Variants in ESRRG observed in about 807,000 individuals in gnomAD.
ESRRG encodes the protein estrogen related receptor gamma.
A neutral mutation model predicts 44.0 loss-of-function variants in ESRRG; 13 were observed. The ratio of observed to expected loss-of-function variants is 0.30; its 90% CI spans 0.19 to 0.47. The LOEUF (loss-of-function observed/expected upper bound fraction) is 0.47, where lower values mean the gene tolerates loss of function less well. ESRRG is among the 20% of genes least tolerant of loss of function. The pLI, the probability that ESRRG is intolerant of heterozygous loss-of-function variation, is 1.00. For missense variants in ESRRG, 395 were observed against 580.6 expected, an observed-to-expected ratio of 0.68 and a Z score of 3.29; for synonymous variants, 215 against 214.6, an observed-to-expected ratio of 1.00 and a Z score of -0.02.
chr1:216,991,155 G>A (rs1044589403), intron 1 of ESRRG, among the ~76,000 whole-genome samples: 7 of 151,982 alleles, frequency 4.6e-5, no homozygotes, highest in African/African-American at 1.2e-4. Flanking sequence ...AGTAATGCCT[G>A]ATGATCTGAG....
chr1:216,834,704 A>G (rs1255721214), intron 2 of ESRRG, among the ~76,000 whole-genome samples: 1 of 152,238 alleles, frequency 6.6e-6, no homozygotes, highest in Non-Finnish European at 1.5e-5. Flanking sequence ...TATCGCATGC[A>G]TAGATATGAG....
intron 2 of ESRRG, among the ~76,000 whole-genome samples, chr1:216,921,847 A>C (rs1478711854): frequency 2.0e-5 from 3 of 152,208 alleles, no homozygotes; most frequent in African/African-American, 7.2e-5. Context: ...ACTTGGGATC[A>C]CTCAAGAAAT....
chr1:216,634,650 G>C (rs537833208), intron 3 of ESRRG, among the ~76,000 whole-genome samples: 209 of 152,254 alleles, frequency 1.4e-3, no homozygotes, highest in Non-Finnish European at 2.6e-3. Flanking sequence ...AGCTGGACAG[G>C]CAGTGCGTCC....
chr1:217,104,459 G>T (rs1049027836), intron 1 of ESRRG, among the ~76,000 whole-genome samples: 1 of 152,222 alleles, frequency 6.6e-6, no homozygotes, highest in East Asian at 1.9e-4. Flanking sequence ...CACCAGCCGA[G>T]TGGCCTTGGG....
chr1:216,939,365 A>AAAAAAAAAAAAAAAAAAAAC (rs1560189110), intron 2 of ESRRG, among the ~76,000 whole-genome samples: 1 of 139,698 alleles, frequency 7.2e-6, no homozygotes, highest in African/African-American at 3.0e-5. Context: ...AAAAAAAAAA[A>AAAAAAAAAAAAAAAAAAAAC]AAAAACACTT....
chr1:217,131,787 T>C (rs1199388502), intron 1 of ESRRG, among the ~76,000 whole-genome samples: 2 of 152,222 alleles, frequency 1.3e-5, no homozygotes, highest in Non-Finnish European at 2.9e-5. Flanking sequence ...TGAGACCTAA[T>C]AGAAAAGTAT....
chr1:216,967,045 C>T (rs1215716900), intron 1 of ESRRG, among the ~76,000 whole-genome samples: 1 of 152,070 alleles, frequency 6.6e-6, no homozygotes, highest in Non-Finnish European at 1.5e-5. Flanking sequence ...TTGGCCTTGT[C>T]TTCTACTCTT....
At chr1:216,600,540 G>C (rs2059063870) in intron 3 of ESRRG, among the ~76,000 whole-genome samples, 1 of 152,076 alleles carries the variant, frequency 6.6e-6, no homozygotes, top group East Asian at 1.9e-4. Flanking sequence ...TAACTTTTAA[G>C]TTCAGGGGTA....
intron 2 of ESRRG, among the ~76,000 whole-genome samples, chr1:216,821,003 T>A (rs2095274182): frequency 6.6e-6 from 1 of 152,216 alleles, no homozygotes; most frequent in Non-Finnish European, 1.5e-5. Context: ...AGAACAGGAA[T>A]AAACTACATT....
intron 1 of ESRRG, among the ~76,000 whole-genome samples, chr1:216,984,637 T>C (rs746488847): frequency 2.0e-5 from 3 of 152,220 alleles, no homozygotes; most frequent in Non-Finnish European, 2.9e-5. Context: ...CCAACATTGC[T>C]GAAATCTCTA....
chr1:216,903,621 A>G (rs1201006290), intron 2 of ESRRG, among the ~76,000 whole-genome samples: 1 of 151,988 alleles, frequency 6.6e-6, no homozygotes. Context: ...GCTGGCCTAT[A>G]TACTCAGGGG....
intron 2 of ESRRG, among the ~76,000 whole-genome samples, chr1:216,853,203 AT>A (rs1174677121): frequency 6.6e-6 from 1 of 152,172 alleles, no homozygotes; most frequent in East Asian, 1.9e-4. Context: ...AGAGCAGTGC[AT>A]ATAGGCCAAT....
At chr1:216,607,759 T>A (rs1021239977) in intron 3 of ESRRG, among the ~76,000 whole-genome samples, 2 of 152,206 alleles carry the variant, frequency 1.3e-5, no homozygotes, top group Non-Finnish European at 1.5e-5. Context: ...AACATGTGAC[T>A]ATGATGATCA....
upstream of ESRRG, among the ~76,000 whole-genome samples, chr1:217,092,132 A>G (rs1279320386): frequency 6.6e-6 from 1 of 152,162 alleles, no homozygotes; most frequent in Non-Finnish European, 1.5e-5. Flanking sequence ...GATCCTTTCT[A>G]AGCCTAGATT....
chr1:216,790,926 T>C (rs1008854061), intron 2 of ESRRG, among the ~76,000 whole-genome samples: 1 of 152,150 alleles, frequency 6.6e-6, no homozygotes, highest in Non-Finnish European at 1.5e-5. Context: ...AACCTCAACA[T>C]TGTGAAACAG....
chr1:216,544,502 G>C (rs1213136382), intron 5 of ESRRG, among the ~76,000 whole-genome samples: 2 of 151,952 alleles, frequency 1.3e-5, no homozygotes, highest in African/African-American at 4.8e-5. Context: ...ACATTACACA[G>C]CTTTCAGTGC....
chr1:216,548,302 T>C (rs962838793), intron 5 of ESRRG, among the ~76,000 whole-genome samples: 11 of 152,236 alleles, frequency 7.2e-5, no homozygotes, highest in African/African-American at 2.6e-4. Context: ...AAATTTGTCT[T>C]GACCTCTCTC....
intron 3 of ESRRG, among the ~76,000 whole-genome samples, chr1:216,568,913 G>T (rs186081500): frequency 1.6e-3 from 238 of 152,080 alleles, no homozygotes; most frequent in Admixed American, 3.4e-3. Context: ...AATTAGCCAG[G>T]CGTGGTGGTG....
chr1:216,740,913 G>T (rs1418930559), intron 2 of ESRRG, among the ~76,000 whole-genome samples: 1 of 140,350 alleles, frequency 7.1e-6, no homozygotes, highest in Non-Finnish European at 1.6e-5. Flanking sequence ...TATACATATT[G>T]ACATTCTTTC....
Sources: gnomAD v4.1 joint callset for allele counts (sites outside exome capture counted in the v4.1 genomes callset) on GRCh38, gnomAD v4.1.1 for gene constraint, MANE v1.5 for transcripts, NCBI Gene and HGNC (gene_info 2026-07-23, HGNC 2026-07-21) for gene names.